The following CNGA1 variants were observed in gnomAD, a reference collection of about 807,000 sequenced individuals.
CNGA1 encodes the protein cyclic nucleotide gated channel subunit alpha 1, also known as cyclic nucleotide-gated channel alpha-1.
Under a neutral mutation model 69.7 loss-of-function variants are expected in CNGA1, and 53 were observed. That is an observed-to-expected ratio of 0.76 (90% CI 0.61 to 0.96). CNGA1 has a LOEUF of 0.96. Ranked by LOEUF, CNGA1 falls within the 40% of genes least tolerant of loss-of-function variation. CNGA1 has a pLI of 0.00. For synonymous variants in CNGA1, 249 were observed against 283.5 expected (o/e 0.88, Z 1.22); for missense variants, 739 against 811.2 (o/e 0.91, Z 1.08).
intron 2 of CNGA1, among the ~76,000 whole-genome samples, chr4:47,993,865 T>G (rs1742376279): frequency 6.6e-6 from 1 of 152,084 alleles, no homozygotes; most frequent in African/African-American, 2.4e-5. Flanking sequence ...CCAGATGTTT[T>G]GATAGATTGT....
chr4:48,004,156 CCT>C (rs535988810), intron 2 of CNGA1, among the ~76,000 whole-genome samples: 4 of 151,192 alleles, frequency 2.6e-5, no homozygotes, highest in African/African-American at 4.8e-5. Flanking sequence ...CTCTCTTTCT[CCT>C]CTCTCTCTCT....
chr4:47,943,901 T>C (rs1311765467), intron 6 of CNGA1, among the ~76,000 whole-genome samples: 1 of 152,210 alleles, frequency 6.6e-6, no homozygotes, highest in African/African-American at 2.4e-5. Flanking sequence ...TGGTGGAATC[T>C]CAGTTATTAG....
At chr4:47,965,427 T>C (rs1217715060) in intron 3 of CNGA1, among the ~76,000 whole-genome samples, 1 of 149,610 alleles carries the variant, frequency 6.7e-6, no homozygotes, top group African/African-American at 2.5e-5. Context: ...TGATAAGTTA[T>C]TCTTTTTTTT....
At chr4:47,970,841 AG>A in intron 3 of CNGA1, 1 of 449,716 alleles carries the variant, frequency 2.2e-6, no homozygotes, top group Non-Finnish European at 4.4e-6. Flanking sequence ...AGGAAAAAAA[AG>A]GTATTGGAAA....
intron 5 of CNGA1, among the ~76,000 whole-genome samples, chr4:47,950,123 A>G (rs2110155216): frequency 6.6e-6 from 1 of 152,290 alleles, no homozygotes; most frequent in East Asian, 1.9e-4. Context: ...GAACAAACAT[A>G]GTGATATGGT....
chr4:48,010,714 C>T (rs760466948), intron 2 of CNGA1, 80 bp downstream of exon 2: 15 of 153,364 alleles, frequency 9.8e-5, no homozygotes, highest in Non-Finnish European at 1.9e-4. Flanking sequence ...GGCACTTAGC[C>T]GTGCAGGAAC....
At chr4:47,988,855 G>A (rs561211783) in intron 2 of CNGA1, among the ~76,000 whole-genome samples, 2 of 151,660 alleles carry the variant, frequency 1.3e-5, no homozygotes, top group South Asian at 2.1e-4. Context: ...CTAGGTATAC[G>A]TGGTGATCGG....
chr4:47,951,087 G>T (rs1362815304), intron 5 of CNGA1, among the ~76,000 whole-genome samples: 1 of 152,198 alleles, frequency 6.6e-6, no homozygotes, highest in African/African-American at 2.4e-5. Flanking sequence ...CCAAGAGACG[G>T]CATGGGTAAG....
chr4:47,965,765 C>A (rs1459136872), intron 3 of CNGA1, among the ~76,000 whole-genome samples: 3 of 152,000 alleles, frequency 2.0e-5, no homozygotes, highest in African/African-American at 4.8e-5. Flanking sequence ...TGGGTCCCAG[C>A]TGCTAGTATT....
intron 3 of CNGA1, among the ~76,000 whole-genome samples, chr4:47,971,696 T>C (rs1044497122): frequency 2.6e-5 from 4 of 152,076 alleles, no homozygotes; most frequent in Admixed American, 6.6e-5. Flanking sequence ...GAGTTTCAGA[T>C]CAGCCTGGCC....
At chr4:48,013,904 A>G (rs1258352528) in intron 1 of CNGA1, among the ~76,000 whole-genome samples, 1 of 152,062 alleles carries the variant, frequency 6.6e-6, no homozygotes. Flanking sequence ...CCTCCCTACA[A>G]TGTAGCAACT....
intron 2 of CNGA1, among the ~76,000 whole-genome samples, chr4:47,989,340 A>G (rs1742135037): frequency 6.6e-6 from 1 of 152,186 alleles, no homozygotes; most frequent in East Asian, 1.9e-4. Context: ...CTGTAAAACC[A>G]GACCCTTGAA....
chr4:48,009,508 G>T (rs1445145445), intron 2 of CNGA1, among the ~76,000 whole-genome samples: 1 of 145,336 alleles, frequency 6.9e-6, no homozygotes, highest in Admixed American at 7.0e-5. Context: ...ATGTAAACTT[G>T]AAAAAGCATT....
At chr4:47,951,516 C>T (rs1196027885) in intron 4 of CNGA1, 47 bp from the exon 5 acceptor site, 1 of 1,272,744 alleles carries the variant, frequency 7.9e-7, no homozygotes, top group African/African-American at 1.5e-5. Flanking sequence ...TGTTTTCAAC[C>T]ACTGCAGAGA....
chr4:48,006,740 G>A (rs1298317123), intron 2 of CNGA1, among the ~76,000 whole-genome samples: 2 of 152,024 alleles, frequency 1.3e-5, no homozygotes, highest in Non-Finnish European at 2.9e-5. Context: ...TCCTGCCTCA[G>A]CCTCCCCAGT....
At chr4:47,969,162 A>G (rs1009243843) in intron 3 of CNGA1, among the ~76,000 whole-genome samples, 1 of 152,006 alleles carries the variant, frequency 6.6e-6, no homozygotes, top group Non-Finnish European at 1.5e-5. Flanking sequence ...CTGCTCATTA[A>G]TCCTCTTCCT....
In CNGA1 at chr4:47,964,094, T is replaced by G. The variant is rs967500047; in HGVS notation, c.-14-11391A>C. On this transcript the variant is annotated intron_variant, in intron 3 of 10. Coordinates refer to ENST00000514170, the MANE Select transcript of CNGA1 (RefSeq NM_001379270.1). ...TTTTTACTGAGAAACAACTGCTTTC[T>G]AAGATGAGAAATTCTTCGCTGACTC... 3.3e-5 allele frequency among the ~76,000 whole-genome samples: 5 copies of G among 152,300 alleles called. No individual in the cohort carries two copies. In the South Asian group the frequency reaches 1.0e-3, roughly 32 times the overall value.
At chr4:48,000,681 T>C (rs1338430252) in intron 2 of CNGA1, among the ~76,000 whole-genome samples, 1 of 152,004 alleles carries the variant, frequency 6.6e-6, no homozygotes, top group Non-Finnish European at 1.5e-5. Context: ...ATAAGTGATT[T>C]TTTAAAAAAA....
At chr4:47,983,302 G>T (rs1244704403) in intron 2 of CNGA1, among the ~76,000 whole-genome samples, 3 of 152,196 alleles carry the variant, frequency 2.0e-5, no homozygotes, top group Middle Eastern at 3.4e-3. Flanking sequence ...AAGAAAATAA[G>T]CCCCTTGGCG....
Sources: gnomAD v4.1 joint callset for allele counts (sites outside exome capture counted in the v4.1 genomes callset) on GRCh38, gnomAD v4.1.1 for gene constraint, MANE v1.5 for transcripts, NCBI Gene and HGNC (gene_info 2026-07-23, HGNC 2026-07-21) for gene names.